The following IDS variants were observed in gnomAD, a reference collection of about 807,000 sequenced individuals.
IDS encodes the protein alpha-L-iduronate sulfate sulfatase.
IDS carries 1 observed loss-of-function variant against 33.5 expected under a neutral mutation model. The observed-to-expected ratio is 0.03, with a 90% CI of 0.01 to 0.14. IDS has a LOEUF of 0.14. Among genes scored for constraint, IDS ranks in the 10% least tolerant of loss-of-function variants. The pLI is 1.00. For synonymous variants in IDS, 191 were observed against 184.4 expected, an observed-to-expected ratio of 1.04 and a Z score of -0.29; for missense variants, 328 against 448.0, an observed-to-expected ratio of 0.73 and a Z score of 2.42.
intron 6 of IDS, among the ~76,000 whole-genome samples, chrX:149,492,701 G>A (rs782234738): frequency 9.0e-6 from 1 of 110,811 alleles, no homozygotes; most frequent in Non-Finnish European, 1.9e-5. Flanking sequence ...ACAGATTCCA[G>A]AGGCTTTAGA....
intron 6 of IDS, 125 bp from the exon 7 acceptor site, chrX:149,490,565 T>C (rs1226523885): frequency 1.0e-4 from 74 of 721,596 alleles, no homozygotes; most frequent in Non-Finnish European, 1.5e-4. Flanking sequence ...TTAATGATTT[T>C]CTCAGCCAAA....
At chrX:149,490,519 G>A in intron 6 of IDS, 79 bp from the exon 7 acceptor site, 1 of 1,035,460 alleles carries the variant, frequency 9.7e-7, no homozygotes, top group Non-Finnish European at 1.3e-6. Context: ...GCTTGCCTGT[G>A]CATCTCTCCC....
Position 149,478,438 on chromosome X carries a change from A to G in IDS, c.*4308T>C, listed in dbSNP as rs1194464554. 8.0e-5 allele frequency: 9 copies of G among 112,606 alleles called. No homozygotes were observed. The highest frequency in any genetic ancestry group is 1.7e-4 in the Non-Finnish European group (9 of 53,310). 9.3% of individuals were successfully genotyped at this position (112,606 alleles called of 1,213,427 possible). ...GTCCAAAAAAAAAAATTAATGAAGC[A>G]GGGCTGTGCAGCCATTACAGCTGTT... On this transcript the variant is annotated 3_prime_UTR_variant, in exon 9 of 9. Transcript: ENST00000340855.
Position 149,477,668 on chromosome X carries a change from A to G in IDS, c.*5078T>C. On this transcript the variant is annotated 3_prime_UTR_variant, in exon 9 of 9. Transcript: ENST00000340855. ...CCCACAACAGACTGTGTTTTATCAG[A>G]CACTCAGAGGAAAGTGGCATCTGTC... The G allele has an allele frequency of 8.9e-6, 1 of 112,959 alleles. No homozygotes were observed. Among genetic ancestry groups the G allele is most frequent in the Non-Finnish European group, 1.9e-5 (1 of 53,336 alleles). 9.3% of individuals were successfully genotyped at this position (112,959 alleles called of 1,213,427 possible).
intron 1 of IDS, 146 bp downstream of exon 1, chrX:149,504,889 G>A (rs1252832765): frequency 6.8e-6 from 3 of 440,402 alleles, no homozygotes; most frequent in African/African-American, 5.2e-5. Flanking sequence ...ATGGAGGGAG[G>A]GAACGAATGA....
At chrX:149,499,586 G>C (rs1602744377) in intron 4 of IDS, among the ~76,000 whole-genome samples, 1 of 110,971 alleles carries the variant, frequency 9.0e-6, no homozygotes, top group African/African-American at 3.3e-5. Flanking sequence ...ATGGGTACAG[G>C]GTTTCTTTTG....
intron 8 of IDS, among the ~76,000 whole-genome samples, chrX:149,484,409 T>C (rs782167962): frequency 1.3e-4 from 15 of 112,286 alleles, no homozygotes; most frequent in African/African-American, 4.2e-4. Context: ...GCAACCTCCG[T>C]CTCCCAGGTT....
chrX:149,504,073 A>G, intron 2 of IDS, 84 bp downstream of exon 2: 2 of 946,340 alleles, frequency 2.1e-6, no homozygotes, highest in Non-Finnish European at 3.0e-6. Flanking sequence ...AATCTGTGCC[A>G]TCTGACAATA....
intron 5 of IDS, among the ~76,000 whole-genome samples, chrX:149,497,581 G>A (rs1007179418): frequency 1.2e-4 from 14 of 112,487 alleles, no homozygotes; most frequent in African/African-American, 4.2e-4. Flanking sequence ...ACATGATAGG[G>A]AAAAATGGAA....
intron 5 of IDS, 71 bp from the exon 6 acceptor site, chrX:149,496,587 T>C: frequency 9.5e-7 from 1 of 1,055,885 alleles, no homozygotes; most frequent in Non-Finnish European, 1.3e-6. Flanking sequence ...GCTCTATCAC[T>C]GTCTATACTG....
chrX:149,490,269 A>C (rs782404601), intron 7 of IDS, 45 bp downstream of exon 7: 8 of 1,191,049 alleles, frequency 6.7e-6, no homozygotes, highest in Admixed American at 2.2e-5. Context: ...GTTTCACAGG[A>C]AAGTTCAGAT....
intron 8 of IDS, among the ~76,000 whole-genome samples, chrX:149,484,793 G>C (rs1295566967): frequency 2.7e-5 from 3 of 112,472 alleles, no homozygotes; most frequent in African/African-American, 9.7e-5. Flanking sequence ...CTTTAAGACA[G>C]TGCTTTATCA....
chrX:149,483,416 G>C (rs2089309768), intron 8 of IDS, among the ~76,000 whole-genome samples, 198 bp from the exon 9 acceptor site: 2 of 111,574 alleles, frequency 1.8e-5, no homozygotes, highest in Non-Finnish European at 3.8e-5. Flanking sequence ...TCAAATAGCA[G>C]GATGCAAAAT....
intron 3 of IDS, 127 bp downstream of exon 3, chrX:149,503,185 A>G: frequency 8.6e-7 from 1 of 1,168,824 alleles, no homozygotes; most frequent in Non-Finnish European, 1.1e-6. Context: ...GAAAGGAAGC[A>G]CTGACTAGCG....
At chrX:149,502,819 C>G in intron 3 of IDS, 1 of 210,828 alleles carries the variant, frequency 4.7e-6, no homozygotes, top group Non-Finnish European at 8.7e-6. Flanking sequence ...ATCCTGGGTA[C>G]CAGATTACAC....
intron 7 of IDS, chrX:149,487,367 A>G: frequency 2.2e-6 from 2 of 917,775 alleles, no homozygotes; most frequent in East Asian, 6.2e-5. Context: ...TTAACAAACT[A>G]CTAGCAACAT....
At chrX:149,498,817 CCT>C (rs1434734100) in intron 4 of IDS, among the ~76,000 whole-genome samples, 1 of 112,096 alleles carries the variant, frequency 8.9e-6, no homozygotes, top group Non-Finnish European at 1.9e-5. Context: ...AAATTAGAAC[CCT>C]CTCACATTGC....
intron 5 of IDS, among the ~76,000 whole-genome samples, chrX:149,497,124 C>T (rs782644274): frequency 4.2e-4 from 47 of 111,048 alleles, no homozygotes; most frequent in African/African-American, 1.5e-3. Flanking sequence ...TTATTTGGGG[C>T]TGGTCAGGTA....
At chrX:149,501,372 G>A (rs781948502) in intron 3 of IDS, among the ~76,000 whole-genome samples, 6 of 111,909 alleles carry the variant, frequency 5.4e-5, no homozygotes, top group Admixed American at 3.8e-4. Context: ...TCAGGGAGCC[G>A]ATGGGGGCAG....
Sources: gnomAD v4.1 joint callset for allele counts (sites outside exome capture counted in the v4.1 genomes callset) on GRCh38, gnomAD v4.1.1 for gene constraint, MANE v1.5 for transcripts, NCBI Gene and HGNC (gene_info 2026-07-23, HGNC 2026-07-21) for gene names.